The following BCKDHB variants were observed in gnomAD, a reference collection of about 807,000 sequenced individuals.
BCKDHB encodes the protein 2-oxoisovalerate dehydrogenase subunit beta, mitochondrial.
BCKDHB carries 41 observed loss-of-function variants against 48.5 expected under a neutral mutation model. The observed-to-expected ratio is 0.85, with a 90% CI of 0.66 to 1.10. The LOEUF (loss-of-function observed/expected upper bound fraction) is 1.10, where lower values mean the gene tolerates loss of function less well. Among genes scored for constraint, BCKDHB ranks in the 50% least tolerant of loss-of-function variants. The probability of loss-of-function intolerance (pLI) is 0.00; values close to 1 mark genes in which losing one functional copy is unlikely to be tolerated. For synonymous variants in BCKDHB, 201 were observed against 174.8 expected, an observed-to-expected ratio of 1.15 and a Z score of -1.18; for missense variants, 496 against 494.2, an observed-to-expected ratio of 1.00 and a Z score of -0.03.
the BCKDHB span, among the ~76,000 whole-genome samples, chr6:80,377,961 A>G: frequency 4.6e-5 from 7 of 152,144 alleles, no homozygotes; most frequent in Non-Finnish European, 1.0e-4. Flanking sequence ...TGAACACGAG[A>G]TATTTTTCCA....
intron 3 of BCKDHB, chr6:80,135,813 C>G (rs535523426): frequency 1.3e-5 from 2 of 152,266 alleles, no homozygotes; most frequent in South Asian, 4.1e-4. Context: ...CTATAACCAT[C>G]TAACAATAAC....
At chr6:80,236,681 T>C (rs75214900) in intron 8 of BCKDHB, among the ~76,000 whole-genome samples, 3,610 of 152,258 alleles carry the variant, frequency 0.024, 141 homozygotes, top group African/African-American at 0.082. Context: ...CTAACAAGGG[T>C]TGAGCTGGGA....
chr6:80,112,371 G>C (rs566412282), intron 1 of BCKDHB, among the ~76,000 whole-genome samples: 4 of 152,092 alleles, frequency 2.6e-5, no homozygotes, highest in East Asian at 3.9e-4. Flanking sequence ...CCAAACACTG[G>C]GGCCAAACAG....
At chr6:80,223,954 G>A (rs575540709) in intron 8 of BCKDHB, among the ~76,000 whole-genome samples, 3 of 152,320 alleles carry the variant, frequency 2.0e-5, no homozygotes, top group Admixed American at 1.3e-4. Context: ...TAGATGGTTG[G>A]AAATGTGGAC....
At chr6:80,442,753 T>C in the BCKDHB span, among the ~76,000 whole-genome samples, 2 of 152,148 alleles carry the variant, frequency 1.3e-5, no homozygotes, top group Non-Finnish European at 2.9e-5. Context: ...GGACAAAATA[T>C]GGAATTCCAA....
intron 3 of BCKDHB, among the ~76,000 whole-genome samples, chr6:80,152,290 T>C (rs1179446094): frequency 6.6e-6 from 1 of 152,194 alleles, no homozygotes; most frequent in Non-Finnish European, 1.5e-5. Context: ...ATTTAAGAAA[T>C]TTGTACAGGT....
chr6:80,128,692 C>T (rs1770467156), intron 2 of BCKDHB, among the ~76,000 whole-genome samples: 1 of 152,086 alleles, frequency 6.6e-6, no homozygotes, highest in Non-Finnish European at 1.5e-5. Context: ...ATAGTTCTGC[C>T]TCTAGCTTTC....
chr6:80,211,551 A>G (rs945720161), intron 8 of BCKDHB, among the ~76,000 whole-genome samples: 1 of 152,176 alleles, frequency 6.6e-6, no homozygotes, highest in African/African-American at 2.4e-5. Context: ...TCTAGTTTCA[A>G]AAAGCCTCAG....
chr6:80,316,323 A>T (rs768304962), intron 9 of BCKDHB, among the ~76,000 whole-genome samples: 6 of 152,024 alleles, frequency 3.9e-5, no homozygotes, highest in Non-Finnish European at 8.8e-5. Flanking sequence ...ATGAAAAGTA[A>T]TTCCAATTCT....
chr6:80,108,445 C>T (rs1769240801), intron 1 of BCKDHB, among the ~76,000 whole-genome samples: 2 of 148,374 alleles, frequency 1.3e-5, no homozygotes, highest in South Asian at 4.2e-4. Flanking sequence ...TTACTAAAAT[C>T]TAAGTAAAAT....
chr6:80,259,797 A>C (rs1241088854), intron 8 of BCKDHB, among the ~76,000 whole-genome samples: 1 of 152,224 alleles, frequency 6.6e-6, no homozygotes, highest in Non-Finnish European at 1.5e-5. Flanking sequence ...GAGTAAAGCC[A>C]AAAACCCAAT....
chr6:80,369,013 A>C, the BCKDHB span, among the ~76,000 whole-genome samples: 1 of 14,068 alleles, frequency 7.1e-5, no homozygotes, highest in East Asian at 0.25. Context: ...ACTCCATCTC[A>C]AAAAAAAAAA....
chr6:80,402,335 G>A, the BCKDHB span, among the ~76,000 whole-genome samples: 1 of 151,692 alleles, frequency 6.6e-6, no homozygotes, highest in South Asian at 2.1e-4. Context: ...ATATCTTATT[G>A]TGGTTTTGAT....
Position 80,307,687 on chromosome 6 carries a change from T to C in BCKDHB, c.1038+34466T>C, listed in dbSNP as rs947078574. On this transcript the variant is annotated intron_variant, in intron 9 of 9. Transcript: ENST00000320393. ...ATTTGTATTCACATTAGGCCTATTTTAACACACAACACTGTGTAAATGTCC... is the reference window on the plus strand; with the variant it reads ...ATTTGTATTCACATTAGGCCTATTTCAACACACAACACTGTGTAAATGTCC... The C allele has an allele frequency of 6.2e-6, 6 of 973,414 alleles. No individual in the cohort carries two copies. In the African/African-American group the frequency reaches 8.8e-5, roughly 14 times the overall value. 60.3% of individuals were successfully genotyped at this position (973,414 alleles called of 1,614,324 possible).
the BCKDHB span, among the ~76,000 whole-genome samples, chr6:80,417,674 G>A: frequency 6.6e-6 from 1 of 152,156 alleles, no homozygotes; most frequent in Non-Finnish European, 1.5e-5. Context: ...AACCTCTTCT[G>A]GTTTGTAGGG....
At chr6:80,268,483 C>A (rs1377184355) in intron 8 of BCKDHB, among the ~76,000 whole-genome samples, 2 of 151,924 alleles carry the variant, frequency 1.3e-5, no homozygotes, top group Non-Finnish European at 2.9e-5. Context: ...ATTAAAAGGG[C>A]TATAAATTGC....
intron 1 of BCKDHB, among the ~76,000 whole-genome samples, chr6:80,121,789 C>G (rs148346343): frequency 3.1e-4 from 47 of 152,276 alleles, no homozygotes; most frequent in East Asian, 1.2e-3. Flanking sequence ...ATACAATAAT[C>G]TCATCTGCAA....
intron 8 of BCKDHB, among the ~76,000 whole-genome samples, chr6:80,213,934 A>G (rs952994595): frequency 6.6e-6 from 1 of 152,158 alleles, no homozygotes; most frequent in East Asian, 1.9e-4. Flanking sequence ...AGGAGCTAGA[A>G]GTAATTCAGC....
At chr6:80,106,921 T>C in intron 1 of BCKDHB, 32 bp downstream of exon 1, 1 of 1,579,270 alleles carries the variant, frequency 6.3e-7, no homozygotes, top group Non-Finnish European at 8.6e-7. Context: ...TCGGTCCCGC[T>C]GCAGCCCGGA....
Sources: allele counts gnomAD v4.1 joint callset (sites outside exome capture counted in the v4.1 genomes callset), GRCh38; gene constraint gnomAD v4.1.1; transcripts MANE v1.5; gene names NCBI Gene and HGNC (gene_info 2026-07-23, HGNC 2026-07-21).